The following ASIC2 variants were observed in gnomAD, a reference collection of about 807,000 sequenced individuals.
ASIC2 encodes the protein acid sensing ion channel subunit 2.
ASIC2 carries 25 observed loss-of-function variants against 57.3 expected under a neutral mutation model. The ratio of observed to expected loss-of-function variants is 0.44; its 90% CI spans 0.32 to 0.61. The LOEUF is 0.61. Ranked by LOEUF, ASIC2 falls within the 20% of genes least tolerant of loss-of-function variation. The probability of loss-of-function intolerance (pLI) is 0.06; values close to 1 mark genes in which losing one functional copy is unlikely to be tolerated. For synonymous variants in ASIC2, 319 were observed against 307.5 expected (o/e 1.04, Z -0.39); for missense variants, 641 against 738.1 (o/e 0.87, Z 1.52).
At chr17:34,066,403 G>A (rs1909173837) in intron 1 of ASIC2, among the ~76,000 whole-genome samples, 1 of 152,098 alleles carries the variant, frequency 6.6e-6, no homozygotes, top group African/African-American at 2.4e-5. Flanking sequence ...TGATTGAATT[G>A]GAACCTCTTG....
At chr17:33,209,563 C>G (rs319790) in intron 1 of ASIC2, among the ~76,000 whole-genome samples, 49,324 of 152,038 alleles carry the variant, frequency 0.32, 9,477 homozygotes, top group Non-Finnish European at 0.44. Context: ...TTATGACAAG[C>G]AAAAATGTCT....
chr17:33,648,222 T>C (rs549338945), intron 1 of ASIC2, among the ~76,000 whole-genome samples: 2 of 152,166 alleles, frequency 1.3e-5, no homozygotes, highest in Non-Finnish European at 2.9e-5. Context: ...AAGAACTAAA[T>C]GCACTGTGGC....
chr17:33,444,612 G>A (rs1483038515), intron 1 of ASIC2, among the ~76,000 whole-genome samples: 2 of 152,222 alleles, frequency 1.3e-5, no homozygotes, highest in Non-Finnish European at 2.9e-5. Context: ...CCTGGGGAGT[G>A]GGCAAGTGTT....
chr17:33,299,781 T>C (rs1905875717), intron 1 of ASIC2, among the ~76,000 whole-genome samples: 1 of 152,148 alleles, frequency 6.6e-6, no homozygotes, highest in Non-Finnish European at 1.5e-5. Flanking sequence ...GCTAGGAAGC[T>C]CATGCTCCAC....
intron 1 of ASIC2, among the ~76,000 whole-genome samples, chr17:33,398,804 G>A (rs1038886416): frequency 3.3e-5 from 5 of 152,110 alleles, no homozygotes; most frequent in East Asian, 1.9e-4. Context: ...TGACTTGCCC[G>A]GGGCTACACA....
chr17:33,870,017 T>C (rs1445454029), intron 1 of ASIC2, among the ~76,000 whole-genome samples: 1 of 152,130 alleles, frequency 6.6e-6, no homozygotes, highest in Non-Finnish European at 1.5e-5. Flanking sequence ...GGTATAGTAC[T>C]AGACACAGGG....
intron 3 of ASIC2, among the ~76,000 whole-genome samples, chr17:33,060,158 T>C (rs921621593): frequency 2.0e-5 from 3 of 152,262 alleles, no homozygotes; most frequent in Non-Finnish European, 2.9e-5. Context: ...AGAAGCTCTG[T>C]AGTTTAATTA....
chr17:33,928,888 C>T (rs1032559428), intron 1 of ASIC2, among the ~76,000 whole-genome samples: 10 of 152,048 alleles, frequency 6.6e-5, no homozygotes, highest in African/African-American at 2.4e-4. Context: ...GTTAGGTAAC[C>T]GAGGCTGCAA....
chr17:33,837,285 C>A (rs781515788), intron 1 of ASIC2, among the ~76,000 whole-genome samples: 1 of 152,204 alleles, frequency 6.6e-6, no homozygotes, highest in Non-Finnish European at 1.5e-5. Context: ...CTTGCTCAAT[C>A]AATGGCCTTG....
At chr17:33,526,661 T>TC (rs1567639696) in intron 1 of ASIC2, among the ~76,000 whole-genome samples, 20 of 152,176 alleles carry the variant, frequency 1.3e-4, no homozygotes, top group African/African-American at 4.8e-4. Flanking sequence ...CAGGCCCTTA[T>TC]ACAGCCAGGG....
chr17:33,580,073 C>T (rs967559424), intron 1 of ASIC2: 4 of 152,212 alleles, frequency 2.6e-5, no homozygotes, highest in African/African-American at 9.7e-5. Context: ...CCCCACCTGA[C>T]CCAGAAGGCC....
chr17:33,567,325 G>A (rs992368195), intron 1 of ASIC2, among the ~76,000 whole-genome samples: 1 of 152,168 alleles, frequency 6.6e-6, no homozygotes, highest in Admixed American at 6.5e-5. Context: ...GACAGCAAGC[G>A]TAGCTGGAGT....
intron 1 of ASIC2, among the ~76,000 whole-genome samples, chr17:33,196,323 T>C (rs531541212): frequency 1.3e-5 from 2 of 151,940 alleles, no homozygotes; most frequent in East Asian, 1.9e-4. Flanking sequence ...ATGACGATGA[T>C]GATGATGATG....
chr17:33,849,896 G>A (rs1469459618), intron 1 of ASIC2, among the ~76,000 whole-genome samples: 1 of 152,210 alleles, frequency 6.6e-6, no homozygotes, highest in African/African-American at 2.4e-5. Context: ...GTGTGGATTG[G>A]ATTGAGGCAA....
intron 1 of ASIC2, among the ~76,000 whole-genome samples, chr17:33,850,265 A>AT (rs1183005496): frequency 2.0e-5 from 3 of 152,224 alleles, no homozygotes; most frequent in South Asian, 2.1e-4. Context: ...CTTAAACTGC[A>AT]TGTTCATGAA....
intron 1 of ASIC2, among the ~76,000 whole-genome samples, chr17:33,286,897 C>T (rs758990843): frequency 6.6e-6 from 1 of 152,096 alleles, no homozygotes. Context: ...AGTTGACCTT[C>T]AAGAGACATT....
intron 1 of ASIC2, among the ~76,000 whole-genome samples, chr17:33,871,126 T>A (rs781283042): frequency 1.1e-4 from 17 of 152,192 alleles, no homozygotes; most frequent in Non-Finnish European, 2.2e-4. Context: ...GCATGGGCAC[T>A]GAGCATCCAG....
At chr17:33,210,156 A>C (rs917592768) in intron 1 of ASIC2, among the ~76,000 whole-genome samples, 1 of 152,120 alleles carries the variant, frequency 6.6e-6, no homozygotes, top group African/African-American at 2.4e-5. Flanking sequence ...TCTCCACCTC[A>C]CAGACACCAG....
At chr17:33,056,934 T>C (rs1400881146) in intron 3 of ASIC2, among the ~76,000 whole-genome samples, 1 of 152,190 alleles carries the variant, frequency 6.6e-6, no homozygotes, top group Non-Finnish European at 1.5e-5. Context: ...TGTACTTTGG[T>C]CTCTCTAGAT....
Sources: allele counts gnomAD v4.1 joint callset (sites outside exome capture counted in the v4.1 genomes callset), GRCh38; gene constraint gnomAD v4.1.1; transcripts MANE v1.5; gene names NCBI Gene and HGNC (gene_info 2026-07-23, HGNC 2026-07-21).